The following PTPRT variants were observed in gnomAD, a reference collection of about 807,000 sequenced individuals.
PTPRT encodes the protein protein tyrosine phosphatase receptor type T.
A neutral mutation model predicts 176.8 loss-of-function variants in PTPRT; 56 were observed. That is an observed-to-expected ratio of 0.32 (90% CI 0.26 to 0.40). The LOEUF is 0.40. Ranked by LOEUF, PTPRT falls within the 10% of genes least tolerant of loss-of-function variation. The pLI, the probability that PTPRT is intolerant of heterozygous loss-of-function variation, is 1.00. For synonymous variants in PTPRT, 783 were observed against 739.0 expected (o/e 1.06, Z -0.96); for missense variants, 1,540 against 1,908.2 (o/e 0.81, Z 3.60).
At position 42,384,149 on chromosome 20, in the gene PTPRT, A is replaced by G. The variant is rs1209001506; in HGVS notation, c.1561-31864T>C. On this transcript the variant is annotated intron_variant, in intron 9 of 30. Transcript: ENST00000373187. ...ATGTGGACTCATCCATCAAATGCAT[A>G]TGGACCATGCACTAGTACAGGGTCA... is the stretch of plus-strand genomic sequence containing the variant. 2.6e-5 allele frequency among the ~76,000 whole-genome samples: 4 copies of G among 152,224 alleles called. No individual in the cohort carries two copies. The East Asian group carries it at 5.8e-4, about 22-fold the overall frequency.
At chr20:42,037,488 C>T in the PTPRT span, among the ~76,000 whole-genome samples, 3 of 152,164 alleles carry the variant, frequency 2.0e-5, no homozygotes, top group Non-Finnish European at 4.4e-5. Context: ...ATGGTCTGAC[C>T]ACACTTAGAC....
At chr20:43,011,267 T>C (rs1256247101) in intron 1 of PTPRT, among the ~76,000 whole-genome samples, 1 of 152,118 alleles carries the variant, frequency 6.6e-6, no homozygotes, top group Non-Finnish European at 1.5e-5. Flanking sequence ...ACGCCACAAA[T>C]GGCCAGAGTC....
At chr20:42,470,392 A>G (rs1233743783) in intron 8 of PTPRT, among the ~76,000 whole-genome samples, 1 of 152,168 alleles carries the variant, frequency 6.6e-6, no homozygotes, top group Non-Finnish European at 1.5e-5. Context: ...CTTGGCCAAA[A>G]GTTGCACCTT....
chr20:42,682,675 G>A (rs2075623103), intron 6 of PTPRT, among the ~76,000 whole-genome samples: 1 of 152,188 alleles, frequency 6.6e-6, no homozygotes, highest in South Asian at 2.1e-4. Flanking sequence ...GTGCCTTCCA[G>A]CCAGGCATCA....
At chr20:42,365,899 T>C (rs1014335996) in intron 9 of PTPRT, among the ~76,000 whole-genome samples, 7 of 152,096 alleles carry the variant, frequency 4.6e-5, no homozygotes, top group African/African-American at 1.7e-4. Flanking sequence ...TGGTGCTGAG[T>C]GTGGCACCAA....
intron 1 of PTPRT, among the ~76,000 whole-genome samples, chr20:42,966,769 C>T (rs1352709077): frequency 6.6e-6 from 1 of 152,156 alleles, no homozygotes; most frequent in Non-Finnish European, 1.5e-5. Context: ...TAGTTCATTC[C>T]ATTGTACGTG....
chr20:42,086,855 A>G (rs1249284163), intron 27 of PTPRT, among the ~76,000 whole-genome samples: 2 of 147,210 alleles, frequency 1.4e-5, no homozygotes, highest in African/African-American at 2.5e-5. Flanking sequence ...CTCATAGGTA[A>G]AGTGGGGATA....
In PTPRT at chr20:42,634,812, G is replaced by A. The variant is rs562510081; in HGVS notation, c.1153+43054C>T. ...TCACATGCAACGCAGTCTGCTTTGG[G>A]AGTTAAACATATTATTTAAACAAAT... On this transcript the variant is annotated intron_variant, in intron 7 of 30. Transcript: ENST00000373187. 1.2e-4 allele frequency among the ~76,000 whole-genome samples: 19 copies of A among 152,166 alleles called. No homozygotes were observed. In the East Asian group the frequency reaches 2.3e-3, roughly 19 times the overall value.
intron 16 of PTPRT, among the ~76,000 whole-genome samples, chr20:42,185,215 C>T: frequency 6.6e-6 from 1 of 152,144 alleles, no homozygotes; most frequent in East Asian, 1.9e-4. Context: ...ACTGTTGTCC[C>T]CATGGCTACC....
chr20:42,979,504 T>A (rs1983148707), intron 1 of PTPRT, among the ~76,000 whole-genome samples: 1 of 152,210 alleles, frequency 6.6e-6, no homozygotes, highest in Non-Finnish European at 1.5e-5. Flanking sequence ...TTGTTCTTTC[T>A]ACTGCACGCT....
intron 1 of PTPRT, among the ~76,000 whole-genome samples, chr20:42,894,486 C>A (rs2079258507): frequency 6.6e-6 from 1 of 151,894 alleles, no homozygotes; most frequent in Non-Finnish European, 1.5e-5. Context: ...TGATCATTAA[C>A]CCCAATTTTA....
chr20:42,707,226 C>G (rs948230550), intron 6 of PTPRT, among the ~76,000 whole-genome samples: 3 of 151,928 alleles, frequency 2.0e-5, no homozygotes, highest in Admixed American at 6.6e-5. Context: ...TGTAGCAGCC[C>G]TAGGAAATTA....
At chr20:43,042,760 A>T (rs1986668317) in intron 1 of PTPRT, among the ~76,000 whole-genome samples, 1 of 91,274 alleles carries the variant, frequency 1.1e-5, no homozygotes, top group Non-Finnish European at 2.2e-5. Flanking sequence ...CCCACCCACC[A>T]TCTCTCCTCC....
At chr20:43,073,728 A>G (rs1235671601) in intron 1 of PTPRT, among the ~76,000 whole-genome samples, 6 of 151,854 alleles carry the variant, frequency 4.0e-5, no homozygotes, top group Non-Finnish European at 8.8e-5. Flanking sequence ...TCTAGGTTAC[A>G]ATTGTTTGGC....
intron 17 of PTPRT, among the ~76,000 whole-genome samples, chr20:42,144,839 C>T (rs1322529438): frequency 6.6e-6 from 1 of 152,156 alleles, no homozygotes. Context: ...CTTGCCTTTG[C>T]CCATCTATTC....
Position 42,476,084 on chromosome 20 carries a change from A to G in PTPRT, c.1154-3522T>C, listed in dbSNP as rs527431522. On this transcript the variant is annotated intron_variant, in intron 7 of 30. Coordinates refer to ENST00000373187, the MANE Select transcript of PTPRT (RefSeq NM_007050.6). ...TCATCTATAAAGTGGAAATTATTAC[A>G]CTAGTCTCAAAAGGTTGTTAATGAG... Among the ~76,000 whole-genome samples the G allele has an allele frequency of 7.9e-5, 12 of 152,290 alleles. No individual in the cohort carries two copies. The South Asian group carries it at 1.2e-3, about 16-fold the overall frequency.
At position 42,611,410 on chromosome 20, in the gene PTPRT, G is replaced by A. The variant is rs560319874; in HGVS notation, c.1153+66456C>T. On this transcript the variant is annotated intron_variant, in intron 7 of 30. Transcript: ENST00000373187. ...TGTTATCTCATTTCATCTTCAGAAC[G>A]CTGCCATAAGGGCAGGCACTACCAT... 3.9e-5 allele frequency among the ~76,000 whole-genome samples: 6 copies of A among 152,260 alleles called. No homozygotes were observed. In the South Asian group the frequency reaches 8.3e-4, roughly 21 times the overall value.
At chr20:42,145,532 A>AGATAGAT (rs1491520352) in intron 17 of PTPRT, among the ~76,000 whole-genome samples, 2 of 151,420 alleles carry the variant, frequency 1.3e-5, no homozygotes, top group East Asian at 3.9e-4. Context: ...ATAGATAGAT[A>AGATAGAT]GATAGATAGA....
chr20:43,085,609 A>T, intron 1 of PTPRT, among the ~76,000 whole-genome samples: 1 of 152,162 alleles, frequency 6.6e-6, no homozygotes, highest in Non-Finnish European at 1.5e-5. Context: ...GTCACATCTT[A>T]CATGCCAGCA....
Sources: gnomAD v4.1 joint callset for allele counts (sites outside exome capture counted in the v4.1 genomes callset) on GRCh38, gnomAD v4.1.1 for gene constraint, MANE v1.5 for transcripts, NCBI Gene and HGNC (gene_info 2026-07-23, HGNC 2026-07-21) for gene names.